SCN8A: variants seen among roughly 807,000 people sequenced by gnomAD.
The protein encoded by SCN8A is sodium voltage-gated channel alpha subunit 8, also known as sodium channel protein type 8 subunit alpha.
In SCN8A, 30 loss-of-function variants were observed where a neutral mutation model predicts 184.1. The ratio of observed to expected loss-of-function variants is 0.16; its 90% CI spans 0.12 to 0.22. The LOEUF (loss-of-function observed/expected upper bound fraction) is 0.22. SCN8A is among the 10% of genes least tolerant of loss of function. SCN8A has a pLI of 1.00. For synonymous variants in SCN8A, 852 were observed against 907.0 expected (o/e 0.94, Z 1.09); for missense variants, 1,057 against 2,498.9 (o/e 0.42, Z 12.30).
At chr12:51,783,052 A>C (rs73299753) in intron 21 of SCN8A, among the ~76,000 whole-genome samples, 5,500 of 152,318 alleles carry the variant, frequency 0.036, 306 homozygotes, top group African/African-American at 0.12. Flanking sequence ...TAAATGCATT[A>C]AGGGAAGCTT....
chr12:51,740,412 G>A (rs1421989540), intron 12 of SCN8A, among the ~76,000 whole-genome samples: 3 of 152,080 alleles, frequency 2.0e-5, no homozygotes, highest in African/African-American at 7.2e-5. Context: ...TGACCCACTG[G>A]TCATTCAGGA....
chr12:51,767,931 C>A (rs1942862870), intron 16 of SCN8A, among the ~76,000 whole-genome samples: 1 of 152,156 alleles, frequency 6.6e-6, no homozygotes, highest in Non-Finnish European at 1.5e-5. Context: ...AATTCAGATC[C>A]CTCAGCCTGG....
intron 26 of SCN8A, among the ~76,000 whole-genome samples, chr12:51,798,902 C>T (rs1007444206): frequency 4.1e-4 from 63 of 152,336 alleles, no homozygotes; most frequent in African/African-American, 1.5e-3. Context: ...TGCTACAGCC[C>T]ATGAATCAGT....
chr12:51,721,453 C>G, intron 11 of SCN8A, 93 bp from the exon 12 acceptor site: 1 of 1,351,234 alleles, frequency 7.4e-7, no homozygotes, highest in Middle Eastern at 2.6e-4. Flanking sequence ...GAGGGTGGGG[C>G]CGGCTGGGAA....
intron 8 of SCN8A, among the ~76,000 whole-genome samples, 159 bp from the exon 9 acceptor site, chr12:51,702,614 C>T (rs1941710272): frequency 6.6e-6 from 1 of 152,044 alleles, no homozygotes; most frequent in Non-Finnish European, 1.5e-5. Flanking sequence ...TGCTTATTTC[C>T]TTCTTCTTTT....
intron 1 of SCN8A, among the ~76,000 whole-genome samples, chr12:51,623,861 G>A (rs1017555548): frequency 3.0e-4 from 45 of 152,128 alleles, no homozygotes; most frequent in African/African-American, 9.4e-4. Flanking sequence ...GAGAACATGC[G>A]GTGTTTGGTT....
chr12:51,595,414 C>T (rs1939325221), intron 1 of SCN8A, among the ~76,000 whole-genome samples: 1 of 152,154 alleles, frequency 6.6e-6, no homozygotes, highest in Non-Finnish European at 1.5e-5. Context: ...AGCCAGGACA[C>T]ATATTTAAGT....
intron 11 of SCN8A, among the ~76,000 whole-genome samples, chr12:51,718,343 A>T (rs1296304525): frequency 2.0e-5 from 3 of 151,872 alleles, no homozygotes; most frequent in Non-Finnish European, 4.4e-5. Context: ...TTAATTAGCC[A>T]GGCATGGTGG....
intron 16 of SCN8A, among the ~76,000 whole-genome samples, chr12:51,766,415 G>A (rs1390480341): frequency 2.0e-5 from 3 of 152,122 alleles, no homozygotes; most frequent in Non-Finnish European, 4.4e-5. Flanking sequence ...ATCTTGGGCT[G>A]GATAATTCTT....
At chr12:51,652,257 C>T (rs929250651) in intron 1 of SCN8A, among the ~76,000 whole-genome samples, 7 of 152,204 alleles carry the variant, frequency 4.6e-5, no homozygotes, top group Non-Finnish European at 8.8e-5. Context: ...ATCTTACCTT[C>T]CTCTTTTAGT....
intron 2 of SCN8A, among the ~76,000 whole-genome samples, chr12:51,682,434 C>G (rs569984318): frequency 6.6e-6 from 1 of 152,208 alleles, no homozygotes; most frequent in African/African-American, 2.4e-5. Flanking sequence ...TGGTCCTGGG[C>G]TCTTCTTTGT....
chr12:51,706,232 A>G (rs1941780724), intron 10 of SCN8A, among the ~76,000 whole-genome samples, 190 bp from the exon 11 acceptor site: 1 of 152,224 alleles, frequency 6.6e-6, no homozygotes, highest in Non-Finnish European at 1.5e-5. Context: ...AGTTCTCACC[A>G]CTGGGTTCTG....
intron 11 of SCN8A, chr12:51,713,485 C>A: frequency 1.3e-6 from 1 of 767,634 alleles, no homozygotes; most frequent in Non-Finnish European, 2.4e-6. Flanking sequence ...AAAGTTCAGA[C>A]TACCAATAAA....
chr12:51,783,878 T>A (rs1937999486), intron 21 of SCN8A, among the ~76,000 whole-genome samples: 1 of 152,220 alleles, frequency 6.6e-6, no homozygotes, highest in Non-Finnish European at 1.5e-5. Context: ...TAAATGGGAT[T>A]TGTATCAATT....
At chr12:51,736,341 G>A (rs1227354848) in intron 12 of SCN8A, among the ~76,000 whole-genome samples, 1 of 152,210 alleles carries the variant, frequency 6.6e-6, no homozygotes, top group Non-Finnish European at 1.5e-5. Flanking sequence ...GAGAAAAGGT[G>A]TCCACACATA....
At chr12:51,628,212 AGTAAAGGTCAAATTG>A (rs766608564) in intron 1 of SCN8A, among the ~76,000 whole-genome samples, 4 of 152,354 alleles carry the variant, frequency 2.6e-5, no homozygotes, top group East Asian at 1.9e-4. Context: ...GTGGAATGAC[AGTAAAGGTCAAATTG>A]GTAAAGGTCA....
Position 51,612,958 on chromosome 12 carries a change from C to A in SCN8A, c.-55+21599C>A, listed in dbSNP as rs578002498. Among the ~76,000 whole-genome samples the A allele has an allele frequency of 1.5e-4, 23 of 152,168 alleles. No homozygotes were observed. In the East Asian group the frequency reaches 3.3e-3, roughly 22 times the overall value. On this transcript the variant is annotated intron_variant, in intron 1 of 26. Transcript: ENST00000627620. ...GACTGGTCTTGAACTCCTGACATCC[C>A]GTGATCCAACCGCCCTGCCTCCCAA...
rs758276968 is a variant in SCN8A, at chr12:51,721,747, A to AGCTACAGCG, written c.1855_1863dup (p.Gly619_Ser621dup). 3.9e-5 allele frequency: 62 copies of AGCTACAGCG among 1,609,132 alleles called. No homozygotes were observed. Among genetic ancestry groups the AGCTACAGCG allele is most frequent in the Middle Eastern group, 1.6e-4 (1 of 6,076 alleles). ...CATCCGGGCCCGCGAGCGCCGGAGC[A>AGCTACAGCG]GCTACAGCGGCTACAGCGGCTACAG... On this transcript the variant is annotated inframe_insertion, in exon 12 of 27. Coordinates refer to ENST00000627620, the MANE Select transcript of SCN8A (RefSeq NM_001330260.2).
chr12:51,617,462 A>G (rs923588250), intron 1 of SCN8A, among the ~76,000 whole-genome samples: 1 of 152,150 alleles, frequency 6.6e-6, no homozygotes, highest in African/African-American at 2.4e-5. Context: ...TCTTTTTTAA[A>G]AAAGTGTTCT....
Sources: gnomAD v4.1 joint callset for allele counts (sites outside exome capture counted in the v4.1 genomes callset) on GRCh38, gnomAD v4.1.1 for gene constraint, MANE v1.5 for transcripts, NCBI Gene and HGNC (gene_info 2026-07-23, HGNC 2026-07-21) for gene names.